Variants in DHRS7C observed in about 807,000 individuals in gnomAD.
DHRS7C encodes the protein dehydrogenase/reductase 7C.
In DHRS7C, 28 loss-of-function variants were observed where a neutral mutation model predicts 29.6. The observed-to-expected ratio is 0.95, with a 90% CI of 0.70 to 1.30. The LOEUF (loss-of-function observed/expected upper bound fraction) is 1.30, where lower values mean the gene tolerates loss of function less well. Ranked by LOEUF, DHRS7C falls within the 50% of genes most tolerant of loss-of-function variation. The pLI is 0.00. For synonymous variants in DHRS7C, 158 were observed against 160.2 expected, an observed-to-expected ratio of 0.99 and a Z score of 0.10; for missense variants, 403 against 393.3, an observed-to-expected ratio of 1.02 and a Z score of -0.21.
At chr17:9,791,065 C>T (rs2066452003) in intron 1 of DHRS7C, 66 bp downstream of exon 1, 2 of 1,535,462 alleles carry the variant, frequency 1.3e-6, no homozygotes, top group Non-Finnish European at 1.8e-6. Flanking sequence ...TGCCGCCCTG[C>T]CACCCTGCCA....
At chr17:9,772,257 TC>T (rs1299341607) in intron 5 of DHRS7C, among the ~76,000 whole-genome samples, 11 of 152,158 alleles carry the variant, frequency 7.2e-5, no homozygotes, top group Non-Finnish European at 1.3e-4. Context: ...ATTGCTATTA[TC>T]CCTCGTTTTC....
Position 9,777,328 on chromosome 17 carries a change from C to T in DHRS7C, c.479-43G>A, listed in dbSNP as rs758040794. The T allele has an allele frequency of 5.1e-6, 8 of 1,564,472 alleles. No homozygotes were observed. In the Admixed American group the frequency reaches 6.9e-5, roughly 13 times the overall value. ...ATGCATCATGGTTAAAACTTTGAGA[C>T]TGAGTTAGGCAGCAGCAGGCAGACC... On this transcript the variant is annotated intron_variant, in intron 3 of 5. Transcript: ENST00000571134.
chr17:9,782,850 G>A (rs2066400817), intron 1 of DHRS7C: 1 of 152,322 alleles, frequency 6.6e-6, no homozygotes, highest in East Asian at 1.9e-4. Context: ...CTGGTGCCCA[G>A]TGGAGGCTGA....
chr17:9,790,168 C>T (rs1284669094), intron 1 of DHRS7C, among the ~76,000 whole-genome samples: 2 of 152,020 alleles, frequency 1.3e-5, no homozygotes, highest in African/African-American at 2.4e-5. Flanking sequence ...GAGTAAGTGC[C>T]CAGCCCCCCA....
chr17:9,791,514 T>C lies in DHRS7C; in HGVS notation c.-230A>G, dbSNP rs1228954558. Among the ~76,000 whole-genome samples, 1 of 152,242 alleles carries C rather than the reference T, an allele frequency of 6.6e-6. No individual in the cohort carries two copies. Among genetic ancestry groups the C allele is most frequent in the Non-Finnish European group, 1.5e-5 (1 of 68,038 alleles). On this transcript the variant is annotated 5_prime_UTR_variant, in exon 1 of 6. Transcript: ENST00000571134. ...CAGGGGGCCTGCCCTCCCCAGTGGT[T>C]AATTACAAACTTAATTAAAATGGGT...
In DHRS7C at chr17:9,774,595, G is replaced by A. The variant is rs981617273; in HGVS notation, c.572-1673C>T. 3.9e-5 allele frequency among the ~76,000 whole-genome samples: 6 copies of A among 152,132 alleles called. No individual in the cohort carries two copies. The highest frequency in any genetic ancestry group is 1.3e-4 in the Admixed American group (2 of 15,278). ...CACTGTGCCCGGCCCCATGTGGCATGGTTAATGCAGGAAAGAGATGTGTGC... is the reference window on the plus strand; with the variant it reads ...CACTGTGCCCGGCCCCATGTGGCATAGTTAATGCAGGAAAGAGATGTGTGC... On this transcript the variant is annotated intron_variant, in intron 4 of 5. Transcript: ENST00000571134. The surrounding 1 kb of genome is among the most constrained non-coding windows in gnomAD (Gnocchi z 5.0).
In DHRS7C at chr17:9,781,514, CAT is replaced by C. The variant is rs1432802577; in HGVS notation, c.233_234del (p.Tyr78Ter). On this transcript the variant is annotated frameshift_variant, in exon 2 of 6. Coordinates refer to ENST00000571134, the MANE Select transcript of DHRS7C (RefSeq NM_001105571.3). LOFTEE classifies it high-confidence loss of function. ...GGGTCAGCCACGCTGATCAAGGCATCATATAGGTTCTCTAGCCTCTCCCAGTT... is the reference window on the plus strand; with the variant it reads ...GGGTCAGCCACGCTGATCAAGGCATCATAGGTTCTCTAGCCTCTCCCAGTT... Reference protein sequence around the residue: ...GKNWERLENLYDALISVADPS... With the variant: ...GKNWERLENLXDALISVADPS... 9 of 1,613,910 alleles carry C rather than the reference CAT, an allele frequency of 5.6e-6. No individual in the cohort carries two copies. Among genetic ancestry groups the C allele is most frequent in the South Asian group, 1.1e-5 (1 of 91,086 alleles).
chr17:9,791,257 G>A lies in DHRS7C; in HGVS notation c.28C>T (p.Pro10Ser). 6.2e-7 allele frequency: 1 copy of A among 1,613,768 alleles called. No homozygotes were observed. Among genetic ancestry groups the A allele is most frequent in the Non-Finnish European group, 8.5e-7 (1 of 1,179,810 alleles). The change falls in exon 1 of 6, where the codon CCC becomes TCC. Residue 10 changes from proline (P) to serine (S), a missense_variant. Coordinates refer to ENST00000571134, the MANE Select transcript of DHRS7C (RefSeq NM_001105571.3). MGVMAMLML[P>S]LLLLGISGLL... ...CCGCTGATTCCCAGCAGCAGCAGGG[G>A]GAGCATCAGCATGGCCATGACTCCC...
intron 3 of DHRS7C, among the ~76,000 whole-genome samples, chr17:9,778,274 G>A (rs1037537212): frequency 6.6e-6 from 1 of 151,916 alleles, no homozygotes; most frequent in African/African-American, 2.4e-5. Flanking sequence ...GGCGCCTGTA[G>A]TCCCAGCTAC....
At chr17:9,791,071 T>C (rs981008916) in intron 1 of DHRS7C, 60 bp downstream of exon 1, 3 of 1,547,016 alleles carry the variant, frequency 1.9e-6, no homozygotes, top group Non-Finnish European at 2.6e-6. Context: ...CCTGCCACCC[T>C]GCCATCCTGC....
rs546766133 is a variant in DHRS7C, at chr17:9,773,860, G to T, written c.572-938C>A. Among the ~76,000 whole-genome samples the T allele has an allele frequency of 5.9e-5, 9 of 151,784 alleles. No homozygotes were observed. The South Asian group carries it at 1.9e-3, about 32-fold the overall frequency. ...CTGCCTCAGCCTCCTGAGTAGCTGG[G>T]TTTACAGGCACGCCACCATGCCCAG... On this transcript the variant is annotated intron_variant, in intron 4 of 5. Coordinates refer to ENST00000571134, the MANE Select transcript of DHRS7C (RefSeq NM_001105571.3).
In DHRS7C at chr17:9,774,582, C is replaced by T. The variant is rs112627335; in HGVS notation, c.572-1660G>A. Among the ~76,000 whole-genome samples the T allele has an allele frequency of 6.6e-6, 1 of 152,206 alleles. No homozygotes were observed. The highest frequency in any genetic ancestry group is 1.5e-5 in the Non-Finnish European group (1 of 68,032). ...TGCAGGTATGAGCCACTGTGCCCGG[C>T]CCCATGTGGCATGGTTAATGCAGGA... On this transcript the variant is annotated intron_variant, in intron 4 of 5. Coordinates refer to ENST00000571134, the MANE Select transcript of DHRS7C (RefSeq NM_001105571.3). This position sits in a 1 kb window ranked among gnomAD's most constrained non-coding sequence, Gnocchi z 5.0.
At chr17:9,785,372 T>C (rs757409417) in intron 1 of DHRS7C, 1 of 152,328 alleles carries the variant, frequency 6.6e-6, no homozygotes, top group Non-Finnish European at 1.5e-5. Context: ...CAGCTTCATG[T>C]CTTATGGGCA....
chr17:9,779,175 G>A (rs1210506012), intron 3 of DHRS7C, among the ~76,000 whole-genome samples: 1 of 152,050 alleles, frequency 6.6e-6, no homozygotes, highest in Non-Finnish European at 1.5e-5. Flanking sequence ...CTACTCTATG[G>A]TCATTTCCAG....
At position 9,791,112 on chromosome 17, in the gene DHRS7C, G is replaced by T. The variant is rs1434045308; in HGVS notation, c.154+19C>A. ...CCTGGGGGCAGAAATGGGCACAGGT[G>T]GGAGCAAAGCCAGCTTACCCTTGCC... On this transcript the variant is annotated intron_variant, in intron 1 of 5. Transcript: ENST00000571134. 1 of 1,602,532 alleles carries T rather than the reference G, an allele frequency of 6.2e-7. No individual in the cohort carries two copies.
chr17:9,787,423 C>A (rs755161071), intron 1 of DHRS7C, among the ~76,000 whole-genome samples: 26 of 152,102 alleles, frequency 1.7e-4, no homozygotes, highest in Non-Finnish European at 3.7e-4. Context: ...GAGGCTGGAG[C>A]CCAGTGGCGT....
At chr17:9,784,352 G>T (rs2066410632) in intron 1 of DHRS7C, among the ~76,000 whole-genome samples, 1 of 152,072 alleles carries the variant, frequency 6.6e-6, no homozygotes, top group African/African-American at 2.4e-5. Context: ...GGTGCCTGTA[G>T]TCCCAGCTAC....
At chr17:9,779,253 T>C (rs1420049486) in intron 3 of DHRS7C, among the ~76,000 whole-genome samples, 2 of 152,172 alleles carry the variant, frequency 1.3e-5, no homozygotes, top group African/African-American at 4.8e-5. Context: ...GGGTATCTCC[T>C]AGGCCCCTCA....
chr17:9,773,413 G>A (rs2066342933), intron 4 of DHRS7C, among the ~76,000 whole-genome samples: 2 of 152,068 alleles, frequency 1.3e-5, no homozygotes. Context: ...CGGAGAGCCC[G>A]TCCAGGTAAT....
Sources: allele counts gnomAD v4.1 joint callset (sites outside exome capture counted in the v4.1 genomes callset), GRCh38; gene constraint gnomAD v4.1.1; non-coding constraint Gnocchi (gnomAD v3.1); transcripts MANE v1.5; gene names NCBI Gene and HGNC (gene_info 2026-07-23, HGNC 2026-07-21).